SHTN1: variants seen among roughly 807,000 people sequenced by gnomAD.
The protein encoded by SHTN1 is shootin 1, also known as shootin-1.
SHTN1 carries 42 observed loss-of-function variants against 83.1 expected under a neutral mutation model. The observed-to-expected ratio is 0.51, with a 90% CI of 0.39 to 0.65. SHTN1 has a LOEUF of 0.65. Among genes scored for constraint, SHTN1 ranks in the 30% least tolerant of loss-of-function variants. The pLI, the probability that SHTN1 is intolerant of heterozygous loss-of-function variation, is 0.00. For synonymous variants in SHTN1, 224 were observed against 247.7 expected, an observed-to-expected ratio of 0.90 and a Z score of 0.90; for missense variants, 622 against 737.8, an observed-to-expected ratio of 0.84 and a Z score of 1.82.
rs780107522 is a variant in SHTN1, at chr10:116,954,070, G to C, written c.408C>G (p.Val136=). The part of the protein sequence containing the change: ...TDTDGAAETC[V]SVQCQKQIKE... ...TAATTTGCTTCTGACACTGTACTGA[G>C]ACACAAGTCTCGGCGGCACCGTCTG... Residue 136 remains valine (V), a synonymous_variant, in exon 5 of 17, where the codon GTC becomes GTG. Coordinates refer to ENST00000355371, the MANE Select transcript of SHTN1 (RefSeq NM_001127211.3). 16 of 1,612,500 alleles carry C rather than the reference G, an allele frequency of 9.9e-6. No homozygotes were observed. Among genetic ancestry groups the C allele is most frequent in the Non-Finnish European group, 1.3e-5 (15 of 1,179,688 alleles).
chr10:116,998,420 T>TGA lies in SHTN1; in HGVS notation c.58+6600_58+6601dup, dbSNP rs375326690. ...ATGACTACAGTACCACAAGATATTTTGAGAGAGAGAGAGAGAGACCACATT... is the reference window on the plus strand; with the variant it reads ...ATGACTACAGTACCACAAGATATTTTGAGAGAGAGAGAGAGAGAGACCACATT... On this transcript the variant is annotated intron_variant, in intron 1 of 16. Transcript: ENST00000355371. Among the ~76,000 whole-genome samples the TGA allele has an allele frequency of 9.1e-4, 138 of 151,016 alleles. 1 individual carries two copies. Among genetic ancestry groups the TGA allele is most frequent in the South Asian group, 2.7e-3 (13 of 4,766 alleles).
chr10:116,971,432 A>G (rs981304422), intron 2 of SHTN1, among the ~76,000 whole-genome samples: 7 of 152,226 alleles, frequency 4.6e-5, no homozygotes, highest in Non-Finnish European at 5.9e-5. Context: ...ATTCGCATAT[A>G]GGCTTTTCTT....
intron 4 of SHTN1, among the ~76,000 whole-genome samples, 185 bp from the exon 5 acceptor site, chr10:116,954,395 G>A (rs1175350321): frequency 3.3e-5 from 5 of 152,134 alleles, no homozygotes; most frequent in Non-Finnish European, 7.3e-5. Flanking sequence ...ACCAAGATCT[G>A]ATGTCTGGAT....
intron 7 of SHTN1, among the ~76,000 whole-genome samples, chr10:116,946,367 T>G (rs1465112361): frequency 2.7e-5 from 4 of 147,452 alleles, no homozygotes; most frequent in Admixed American, 2.0e-4. Flanking sequence ...CCAAAAAAAG[T>G]ATACTACCTG....
At chr10:117,070,221 G>C (rs1278836312) in intron 1 of SHTN1, among the ~76,000 whole-genome samples, 1 of 152,018 alleles carries the variant, frequency 6.6e-6, no homozygotes, top group African/African-American at 2.4e-5. Flanking sequence ...CTACCACTAA[G>C]TGGATATGGG....
intron 6 of SHTN1, among the ~76,000 whole-genome samples, chr10:116,951,555 C>T (rs756903263): frequency 2.0e-5 from 3 of 152,154 alleles, no homozygotes; most frequent in African/African-American, 4.8e-5. Flanking sequence ...AGTCATTCAC[C>T]GGAAAAGCAA....
At chr10:117,016,615 C>A (rs1005415838) in intron 2 of SHTN1, among the ~76,000 whole-genome samples, 9 of 152,166 alleles carry the variant, frequency 5.9e-5, no homozygotes, top group South Asian at 4.1e-4. Flanking sequence ...CTATGCTGGC[C>A]AGCCTGATCT....
chr10:116,958,181 G>GA (rs904551114), intron 4 of SHTN1, among the ~76,000 whole-genome samples: 3 of 151,648 alleles, frequency 2.0e-5, no homozygotes, highest in Non-Finnish European at 4.4e-5. Flanking sequence ...TTGCTCTCAG[G>GA]AAAAAAAATG....
intron 2 of SHTN1, among the ~76,000 whole-genome samples, chr10:117,027,244 T>A (rs1025430368): frequency 6.6e-6 from 1 of 152,138 alleles, no homozygotes; most frequent in Non-Finnish European, 1.5e-5. Context: ...TTCTCATGAA[T>A]AGTTTAGCAC....
At chr10:116,952,979 G>C (rs1476459966) in intron 5 of SHTN1, among the ~76,000 whole-genome samples, 2 of 152,268 alleles carry the variant, frequency 1.3e-5, no homozygotes, top group African/African-American at 2.4e-5. Context: ...AATGAGCAAA[G>C]GGAACTCCTT....
intron 1 of SHTN1, among the ~76,000 whole-genome samples, chr10:117,105,141 A>C (rs367866125): frequency 6.6e-6 from 1 of 152,120 alleles, no homozygotes; most frequent in African/African-American, 2.4e-5. Context: ...CACTCTTACT[A>C]TGCATATCTC....
chr10:116,924,369 T>C (rs889320891), intron 11 of SHTN1, among the ~76,000 whole-genome samples: 1 of 150,728 alleles, frequency 6.6e-6, no homozygotes, highest in African/African-American at 2.4e-5. Flanking sequence ...ATAAAGACGA[T>C]GAAGCAGGAA....
intron 2 of SHTN1, among the ~76,000 whole-genome samples, chr10:116,973,036 C>G (rs1850673904): frequency 6.6e-6 from 1 of 152,168 alleles, no homozygotes; most frequent in Non-Finnish European, 1.5e-5. Flanking sequence ...AACAGCCTTT[C>G]CAGTGTGAAT....
At chr10:117,042,146 T>C (rs1852592804) in intron 2 of SHTN1, among the ~76,000 whole-genome samples, 1 of 152,230 alleles carries the variant, frequency 6.6e-6, no homozygotes, top group African/African-American at 2.4e-5. Flanking sequence ...TTTCCTTTGA[T>C]ATTTACAGGC....
intron 14 of SHTN1, among the ~76,000 whole-genome samples, chr10:116,909,394 A>T (rs1191253927): frequency 2.0e-5 from 3 of 152,234 alleles, no homozygotes; most frequent in African/African-American, 2.4e-5. Context: ...ACAATTTTTT[A>T]AAAATTGCTT....
intron 1 of SHTN1, among the ~76,000 whole-genome samples, chr10:117,077,876 T>C (rs1853183977): frequency 6.6e-6 from 1 of 152,202 alleles, no homozygotes; most frequent in Non-Finnish European, 1.5e-5. Flanking sequence ...TCATCAACTG[T>C]ATTTATCTTG....
At position 116,979,258 on chromosome 10, in the gene SHTN1, TCTC is replaced by T. The variant is rs751703087; in HGVS notation, c.106_108del (p.Glu36del). On this transcript the variant is annotated inframe_deletion, in exon 2 of 17. Coordinates refer to ENST00000355371, the MANE Select transcript of SHTN1 (RefSeq NM_001127211.3). ...GAAAAAAAAGGTAAAGTACAAACCT[TCTC>T]CTTTGTTTTCTGGTTCTCTGCTCTA... is the stretch of plus-strand genomic sequence containing the variant. 1 of 1,613,566 alleles carries T rather than the reference TCTC, an allele frequency of 6.2e-7. No individual in the cohort carries two copies. Among genetic ancestry groups the T allele is most frequent in the Middle Eastern group, 1.6e-4 (1 of 6,062 alleles).
intron 3 of SHTN1, among the ~76,000 whole-genome samples, chr10:116,960,921 A>C (rs2133442053): frequency 6.6e-6 from 1 of 152,294 alleles, no homozygotes; most frequent in East Asian, 1.9e-4. Context: ...TGCTCGAAAA[A>C]TTGTATTTTT....
chr10:117,028,627 T>G (rs896391516), intron 2 of SHTN1, among the ~76,000 whole-genome samples: 1 of 152,088 alleles, frequency 6.6e-6, no homozygotes, highest in Non-Finnish European at 1.5e-5. Flanking sequence ...CACCCATGGT[T>G]CAAAGGGGCC....
Sources: allele counts gnomAD v4.1 joint callset (sites outside exome capture counted in the v4.1 genomes callset), GRCh38; gene constraint gnomAD v4.1.1; transcripts MANE v1.5; gene names NCBI Gene and HGNC (gene_info 2026-07-23, HGNC 2026-07-21).